C8orf88: variants seen among roughly 807,000 people sequenced by gnomAD.
C8orf88 encodes uncharacterized protein C8orf88.
Under a neutral mutation model 18.4 loss-of-function variants are expected in C8orf88, and 14 were observed. The ratio of observed to expected loss-of-function variants is 0.76; its 90% CI spans 0.50 to 1.19. The LOEUF (loss-of-function observed/expected upper bound fraction) is 1.19. C8orf88 is among the 50% of genes most tolerant of loss of function. The pLI, the probability that C8orf88 is intolerant of heterozygous loss-of-function variation, is 0.00. For synonymous variants in C8orf88, 45 were observed against 42.9 expected (o/e 1.05, Z -0.19); for missense variants, 116 against 134.7 (o/e 0.86, Z 0.69).
intron 2 of C8orf88, 62 bp from the exon 3 acceptor site, chr8:90,978,714 C>T (rs1811389475): frequency 4.1e-6 from 4 of 971,772 alleles, no homozygotes; most frequent in African/African-American, 3.3e-5. Flanking sequence ...ATATAATCAA[C>T]TAAAAAGCTT....
At chr8:90,975,903 A>G (rs569142590) in intron 3 of C8orf88, among the ~76,000 whole-genome samples, 1 of 149,884 alleles carries the variant, frequency 6.7e-6, no homozygotes, top group South Asian at 2.1e-4. Flanking sequence ...AAACTGTTGT[A>G]TATTTAAAGT....
At chr8:90,964,886 T>C (rs1230809758) in intron 4 of C8orf88, among the ~76,000 whole-genome samples, 2 of 151,146 alleles carry the variant, frequency 1.3e-5, no homozygotes, top group African/African-American at 4.9e-5. Flanking sequence ...AAAAATATAG[T>C]AAAGCAAACT....
At chr8:90,984,395 G>C (rs766072153) in intron 1 of C8orf88, among the ~76,000 whole-genome samples, 9 of 152,090 alleles carry the variant, frequency 5.9e-5, no homozygotes, top group Non-Finnish European at 1.3e-4. Flanking sequence ...AAACATACAG[G>C]AAACATCGGG....
At chr8:90,965,283 T>C (rs1811178547) in intron 4 of C8orf88, among the ~76,000 whole-genome samples, 1 of 151,752 alleles carries the variant, frequency 6.6e-6, no homozygotes, top group African/African-American at 2.4e-5. Flanking sequence ...TAAGAGACAA[T>C]GGACATTTAT....
rs773489328 is a variant in C8orf88, at chr8:90,967,104, G to T, written c.223+3962C>A. Among the ~76,000 whole-genome samples the T allele has an allele frequency of 6.9e-4, 105 of 151,906 alleles. 1 individual carries two copies. Among genetic ancestry groups the T allele is most frequent in the Non-Finnish European group, 1.3e-3 (90 of 67,848 alleles). ...ACATAACATTGAAAAAAGAAACAGT[G>T]AAAGTGGGCACCCTTATCTTGTTCT... On this transcript the variant is annotated intron_variant, in intron 4 of 5. Coordinates refer to ENST00000517562, the MANE Select transcript of C8orf88 (RefSeq NM_001190972.2).
chr8:90,975,091 C>A lies in C8orf88; in HGVS notation c.147+3488G>T, dbSNP rs557029118. On this transcript the variant is annotated intron_variant, in intron 3 of 5. Coordinates refer to ENST00000517562, the MANE Select transcript of C8orf88 (RefSeq NM_001190972.2). The stretch of plus-strand genomic sequence containing the variant: ...AAATACAAAGAATCAAGGGATATGT[C>A]ATGTTAATAGATCATAAGATGTCAA... 2.6e-4 allele frequency among the ~76,000 whole-genome samples: 39 copies of A among 152,218 alleles called. 1 individual carries two copies. Among genetic ancestry groups the A allele is most frequent in the African/African-American group, 8.9e-4 (37 of 41,560 alleles).
chr8:90,968,058 A>G (rs1325046065), intron 4 of C8orf88, among the ~76,000 whole-genome samples: 2 of 151,774 alleles, frequency 1.3e-5, no homozygotes, highest in African/African-American at 4.8e-5. Context: ...CTTTTGCAGA[A>G]ATGGAAACGT....
intron 4 of C8orf88, among the ~76,000 whole-genome samples, chr8:90,967,136 C>T (rs1217533515): frequency 1.3e-5 from 2 of 151,664 alleles, no homozygotes; most frequent in Non-Finnish European, 2.9e-5. Context: ...TTCTTGATGG[C>T]GTGTTGTGTT....
rs1479451025 is a variant in C8orf88 at position 90,959,010 on chromosome 8, C to G, written c.351G>C (p.Lys117Asn). The change falls in exon 6 of 6, where the codon AAG (lysine) becomes AAC (asparagine). Residue 117 changes from lysine (K) to asparagine (N), a missense_variant. Coordinates refer to ENST00000517562, the MANE Select transcript of C8orf88 (RefSeq NM_001190972.2). ...AAATTCATCTGTTCTTAAAATGCTA[C>G]TTAAAACTTTGGTTGTTTTCCTGTA... ...LQKPENNQSFK is the reference protein window; with the variant it reads ...LQKPENNQSFN The G allele has an allele frequency of 1.4e-6, 2 of 1,411,074 alleles. No individual in the cohort carries two copies. Among genetic ancestry groups the G allele is most frequent in the East Asian group, 5.2e-5 (2 of 38,600 alleles). The allele number at this position is 1,411,074 out of a possible 1,614,324, so 87.4% of individuals were successfully genotyped here. A position where few individuals can be genotyped will look rare whatever the true frequency, so the allele number is the denominator to read the frequency against.
intron 4 of C8orf88, among the ~76,000 whole-genome samples, chr8:90,967,830 T>C (rs1289852542): frequency 6.6e-6 from 1 of 151,688 alleles, no homozygotes; most frequent in Non-Finnish European, 1.5e-5. Flanking sequence ...TACAATAGCA[T>C]CAAAAAGAAT....
Position 90,958,845 on chromosome 8 carries a change from T to G in C8orf88, c.*162A>C. On this transcript the variant is annotated 3_prime_UTR_variant, in exon 6 of 6. Transcript: ENST00000517562. ...TGCAAAGCTGAAACTGATTAGAAAA[T>G]TCTTTATATTTTAAAATAGCTCTTT... is the stretch of plus-strand genomic sequence containing the variant. 1 of 459,620 alleles carries G rather than the reference T, an allele frequency of 2.2e-6. No homozygotes were observed. The highest frequency in any genetic ancestry group is 5.0e-5 in the Admixed American group (1 of 19,808). The allele number at this position is 459,620 out of a possible 1,614,324, so 28.5% of individuals were successfully genotyped here.
chr8:90,981,487 T>A (rs1811435090), intron 1 of C8orf88, among the ~76,000 whole-genome samples: 1 of 152,134 alleles, frequency 6.6e-6, no homozygotes, highest in Admixed American at 6.5e-5. Context: ...TCCCCCTGTC[T>A]CAACAGGTAA....
chr8:90,967,087 T>C (rs966431968), intron 4 of C8orf88, among the ~76,000 whole-genome samples: 3 of 151,860 alleles, frequency 2.0e-5, no homozygotes, highest in Non-Finnish European at 2.9e-5. Flanking sequence ...CAACATAACA[T>C]TGAAAAAAGA....
At chr8:90,966,272 A>AAAAAAC (rs1811194728) in intron 4 of C8orf88, among the ~76,000 whole-genome samples, 1 of 147,274 alleles carries the variant, frequency 6.8e-6, no homozygotes, top group South Asian at 2.2e-4. Context: ...CAAACACTGC[A>AAAAAAC]TATTCTCACT....
intron 4 of C8orf88, among the ~76,000 whole-genome samples, chr8:90,962,548 A>G (rs930915626): frequency 6.6e-6 from 1 of 151,614 alleles, no homozygotes; most frequent in South Asian, 2.1e-4. Context: ...AAATAGCTAA[A>G]TTTGGGAAAA....
chr8:90,969,355 A>C (rs1811251945), intron 4 of C8orf88, among the ~76,000 whole-genome samples: 1 of 151,880 alleles, frequency 6.6e-6, no homozygotes, highest in Admixed American at 6.6e-5. Context: ...AAGTGATAGA[A>C]GCCAGACACA....
intron 1 of C8orf88, among the ~76,000 whole-genome samples, chr8:90,982,312 AG>A (rs1811445066): frequency 2.0e-5 from 3 of 152,188 alleles, no homozygotes; most frequent in Admixed American, 2.0e-4. Context: ...ATTTAAAATA[AG>A]GACCAAAAAG....
intron 3 of C8orf88, among the ~76,000 whole-genome samples, chr8:90,973,361 T>C (rs1038597920): frequency 2.6e-5 from 4 of 152,144 alleles, no homozygotes; most frequent in African/African-American, 9.7e-5. Context: ...GTTCAGGAAA[T>C]GTAAAAGGTT....
At chr8:90,969,781 G>C (rs1811257910) in intron 4 of C8orf88, among the ~76,000 whole-genome samples, 1 of 151,746 alleles carries the variant, frequency 6.6e-6, no homozygotes, top group Admixed American at 6.6e-5. Flanking sequence ...TGGTTAAAAT[G>C]GTGACTGGGT....
Sources: gnomAD v4.1 joint callset for allele counts (sites outside exome capture counted in the v4.1 genomes callset) on GRCh38, gnomAD v4.1.1 for gene constraint, MANE v1.5 for transcripts, NCBI Gene and HGNC (gene_info 2026-07-23, HGNC 2026-07-21) for gene names.